Variants in BAHCC1 observed in about 807,000 individuals in gnomAD.
BAHCC1 encodes BAH domain and coiled-coil containing 1.
A neutral mutation model predicts 88.2 loss-of-function variants in BAHCC1; 43 were observed. The observed-to-expected ratio is 0.49, with a 90% CI of 0.38 to 0.63. The LOEUF (loss-of-function observed/expected upper bound fraction) is 0.63, where lower values mean the gene tolerates loss of function less well. Among genes scored for constraint, BAHCC1 ranks in the 20% least tolerant of loss-of-function variants. BAHCC1 has a pLI of 0.00. For synonymous variants in BAHCC1, 1,510 were observed against 745.5 expected (o/e 2.03, Z -16.71); for missense variants, 3,023 against 1,654.8 (o/e 1.83, Z -14.34).
In BAHCC1 at chr17:81,458,960, G is replaced by A. The variant is rs782205832; in HGVS notation, c.5596G>A (p.Ala1866Thr). ...DSGPLSAEQS[A>T]ALARSCAIHK... ...CGGCCCTCTGAGCGCAGAGCAGAGC[G>A]CCGCCCTAGGTGAGCAGGGCCAGGA... Residue 1866 changes from alanine to threonine, a missense_variant, in exon 20 of 28, where the codon GCC becomes ACC. Coordinates refer to ENST00000675386, the MANE Select transcript of BAHCC1 (RefSeq NM_001377448.1). The A allele has an allele frequency of 1.6e-5, 12 of 737,990 alleles. No homozygotes were observed. The highest frequency in any genetic ancestry group is 1.0e-4 in the South Asian group (7 of 69,908). The allele number at this position is 737,990 out of a possible 1,614,324, so 45.7% of individuals were successfully genotyped here. A position where few individuals can be genotyped will look rare whatever the true frequency, so the allele number is the denominator to read the frequency against.
chr17:81,402,103 G>A (rs1416766400), intron 2 of BAHCC1: 5 of 152,306 alleles, frequency 3.3e-5, no homozygotes, highest in Non-Finnish European at 7.3e-5. Context: ...CCAAGCGCAG[G>A]GTGCTCTAGA....
Position 81,445,718 on chromosome 17 carries a change from G to T in BAHCC1, c.3163+37G>T, listed in dbSNP as rs553179224. The T allele has an allele frequency of 4.2e-6, 3 of 709,086 alleles. No individual in the cohort carries two copies. In the Admixed American group the frequency reaches 6.1e-5, roughly 14 times the overall value. The allele number at this position is 709,086 out of a possible 1,614,324, so 43.9% of individuals were successfully genotyped here. A position where few individuals can be genotyped will look rare whatever the true frequency, so the allele number is the denominator to read the frequency against. On this transcript the variant is annotated intron_variant, in intron 10 of 27. Coordinates refer to ENST00000675386, the MANE Select transcript of BAHCC1 (RefSeq NM_001377448.1). ...CGCCTGGCCCGGCCCACTGTGCTCCGCTCCAAGCCCTCCCACCCCTGCCCG... is the reference window on the plus strand; with the variant it reads ...CGCCTGGCCCGGCCCACTGTGCTCCTCTCCAAGCCCTCCCACCCCTGCCCG...
chr17:81,459,456 G>C lies in BAHCC1; in HGVS notation c.5797-40G>C, dbSNP rs782473918. The stretch of plus-strand genomic sequence containing the variant: ...CAGACTCTCAGGCAGCCCTGGGCCA[G>C]GCCCCACCTGCTCATGGGTCGTCGC... On this transcript the variant is annotated intron_variant, in intron 22 of 27. Transcript: ENST00000675386. 4 of 776,800 alleles carry C rather than the reference G, an allele frequency of 5.1e-6. No individual in the cohort carries two copies. In the African/African-American group the frequency reaches 6.8e-5, roughly 13 times the overall value. 48.1% of individuals were successfully genotyped at this position (776,800 alleles called of 1,614,324 possible). A position where few individuals can be genotyped will look rare whatever the true frequency, so the allele number is the denominator to read the frequency against.
In BAHCC1 at chr17:81,434,093, G is replaced by C. The variant is rs890463770; in HGVS notation, c.359-4277G>C. On this transcript the variant is annotated intron_variant, in intron 3 of 27. Transcript: ENST00000675386. The surrounding 1 kb of genome is among the most constrained non-coding windows in gnomAD (Gnocchi z 4.9). ...CCCGGGACTCCCCTGGGGTCACTGT[G>C]GGGGGAGTAACAGGGGATCTGGCAG... Among the ~76,000 whole-genome samples the C allele has an allele frequency of 6.6e-6, 1 of 152,296 alleles. No individual in the cohort carries two copies. The highest frequency in any genetic ancestry group is 2.1e-4 in the South Asian group (1 of 4,828).
intron 11 of BAHCC1, among the ~76,000 whole-genome samples, chr17:81,450,174 C>T (rs962975271): frequency 6.6e-6 from 1 of 152,186 alleles, no homozygotes; most frequent in East Asian, 1.9e-4. Flanking sequence ...ATACCAGCAC[C>T]TCTACTCACC....
At position 81,444,500 on chromosome 17, in the gene BAHCC1, C is replaced by T. The variant is rs781836263; in HGVS notation, c.2444C>T (p.Thr815Ile). Residue 815 changes from threonine to isoleucine, a missense_variant, in exon 7 of 28, where the codon ACC becomes ATC. Thr to Ile is a moderately conservative substitution (Grantham distance 89). Transcript: ENST00000675386. ...GQLGGDPAPHTHPHPPWLPRT... is the reference protein window; with the variant it reads ...GQLGGDPAPHIHPHPPWLPRT... The stretch of plus-strand genomic sequence containing the variant: ...CTGGGCGGGGACCCAGCCCCCCACA[C>T]CCACCCCCATCCCCCCTGGCTGCCC... 5 of 704,068 alleles carry T rather than the reference C, an allele frequency of 7.1e-6. No individual in the cohort carries two copies. In the Admixed American group the frequency reaches 1.0e-4, roughly 14 times the overall value. The allele number at this position is 704,068 out of a possible 1,614,324, so 43.6% of individuals were successfully genotyped here.
intron 2 of BAHCC1, among the ~76,000 whole-genome samples, chr17:81,417,320 T>G (rs2064045561): frequency 6.6e-6 from 1 of 152,090 alleles, no homozygotes. Flanking sequence ...CCCACGCCCC[T>G]GGCCGACCGC....
chr17:81,453,112 C>A (rs933132118), intron 14 of BAHCC1, among the ~76,000 whole-genome samples: 1 of 152,248 alleles, frequency 6.6e-6, no homozygotes, highest in East Asian at 1.9e-4. Context: ...GCCCCCAGGC[C>A]CAGCCACGCC....
intron 2 of BAHCC1, among the ~76,000 whole-genome samples, chr17:81,419,772 C>T (rs1445112277): frequency 2.0e-5 from 3 of 149,818 alleles, no homozygotes; most frequent in South Asian, 2.1e-4. Context: ...CTGGAGCTGC[C>T]GCCATCTCAA....
chr17:81,444,011 G>T (rs1286757426), intron 6 of BAHCC1, 94 bp downstream of exon 6: 9 of 673,932 alleles, frequency 1.3e-5, no homozygotes, highest in African/African-American at 1.2e-4. Context: ...GGTGGTCATG[G>T]CTGGGGCAGC....
rs782810572 is a variant in BAHCC1 at position 81,458,190 on chromosome 17, G to A, written c.5067G>A (p.Glu1689=). 1.4e-6 allele frequency: 1 copy of A among 724,326 alleles called. No individual in the cohort carries two copies. Among genetic ancestry groups the A allele is most frequent in the Non-Finnish European group, 2.6e-6 (1 of 389,306 alleles). 44.9% of individuals were successfully genotyped at this position (724,326 alleles called of 1,614,324 possible). The change falls in exon 18 of 28, where the codon GAG becomes GAA. Residue 1689 remains glutamate (E), a synonymous_variant. Coordinates refer to ENST00000675386, the MANE Select transcript of BAHCC1 (RefSeq NM_001377448.1). ...GGGCCTGCCGCCTGTCCAGCCCTGA[G>A]AGTGAGGTCAAGATCAAGAGGCGGT... ...LLGACRLSSP[E]SEVKIKRRSV... is the part of the protein sequence containing the mutation.
In BAHCC1 at chr17:81,458,485, G is replaced by T. The variant is rs782554196; in HGVS notation, c.5343+19G>T. 3 of 687,128 alleles carry T rather than the reference G, an allele frequency of 4.4e-6. No homozygotes were observed. Among genetic ancestry groups the T allele is most frequent in the African/African-American group, 1.7e-5 (1 of 57,364 alleles). 42.6% of individuals were successfully genotyped at this position (687,128 alleles called of 1,614,324 possible). A position where few individuals can be genotyped will look rare whatever the true frequency, so the allele number is the denominator to read the frequency against. On this transcript the variant is annotated intron_variant, in intron 18 of 27. Coordinates refer to ENST00000675386, the MANE Select transcript of BAHCC1 (RefSeq NM_001377448.1). ...GCTGCGGGTGAGGCTGGGCTCTGGGGTGCTGGGCGGAGAGGGTGGGTGCCT... is the reference window on the plus strand; with the variant it reads ...GCTGCGGGTGAGGCTGGGCTCTGGGTTGCTGGGCGGAGAGGGTGGGTGCCT...
rs565158714 is a variant in BAHCC1, at chr17:81,445,573, A to G, written c.3055A>G (p.Asn1019Asp). 2 of 724,422 alleles carry G rather than the reference A, an allele frequency of 2.8e-6. No individual in the cohort carries two copies. Among genetic ancestry groups the G allele is most frequent in the African/African-American group, 1.7e-5 (1 of 57,644 alleles). 44.9% of individuals were successfully genotyped at this position (724,422 alleles called of 1,614,324 possible). A position where few individuals can be genotyped will look rare whatever the true frequency, so the allele number is the denominator to read the frequency against. The stretch of plus-strand genomic sequence containing the variant: ...TCGGCCCAGCGCCCCGTGCACTTTA[A>G]ATGTCTGCCCTGCCAGCAGCCCCGG... ...PPRPSAPCTLNVCPASSPGPG... is the reference protein window; with the variant it reads ...PPRPSAPCTLDVCPASSPGPG... The change falls in exon 10 of 28, where the codon AAT becomes GAT. Residue 1019 changes from asparagine to aspartate, a missense_variant. Physicochemically the swap from Asn to Asp is conservative, Grantham distance 23. Transcript: ENST00000675386.
In BAHCC1 at chr17:81,399,838, TG is replaced by T; in HGVS notation, c.102del (p.Ala36ProfsTer29). The stretch of plus-strand genomic sequence containing the variant: ...CTGCCGCCGCGCGTCTCGCCCCGGC[TG>T]GGCCCGCCGCGCAGCCCCCCGCACA... ...AAAAARLAPA[G>X]PAAQPPAHFQ... On this transcript the variant is annotated frameshift_variant, in exon 2 of 28. Coordinates refer to ENST00000675386, the MANE Select transcript of BAHCC1 (RefSeq NM_001377448.1). LOFTEE classifies it high-confidence loss of function. The surrounding 1 kb of genome is among the most constrained non-coding windows in gnomAD (Gnocchi z 4.5). 2.2e-6 allele frequency: 3 copies of T among 1,359,100 alleles called. No homozygotes were observed. The highest frequency in any genetic ancestry group is 1.7e-5 in the South Asian group (1 of 57,636). The allele number at this position is 1,359,100 out of a possible 1,614,324, so 84.2% of individuals were successfully genotyped here.
intron 14 of BAHCC1, among the ~76,000 whole-genome samples, chr17:81,454,927 C>T (rs1276179438): frequency 1.3e-5 from 2 of 152,358 alleles, no homozygotes; most frequent in East Asian, 3.9e-4. Flanking sequence ...ACAGCACTGC[C>T]AGGGCGTTCC....
At chr17:81,441,148 G>A (rs782012592) in intron 4 of BAHCC1, among the ~76,000 whole-genome samples, 14 of 152,204 alleles carry the variant, frequency 9.2e-5, no homozygotes, top group Admixed American at 2.6e-4. Flanking sequence ...GACTGGCCTC[G>A]GGTTTGCATC....
intron 2 of BAHCC1, among the ~76,000 whole-genome samples, chr17:81,412,841 G>A (rs1443296986): frequency 6.6e-6 from 1 of 152,232 alleles, no homozygotes; most frequent in African/African-American, 2.4e-5. Context: ...TGTTGGCTGG[G>A]GCCTCGGACA....
In BAHCC1 at chr17:81,452,153, C is replaced by T. The variant is rs782815539; in HGVS notation, c.4316+46C>T. The T allele has an allele frequency of 1.2e-4, 27 of 233,238 alleles. No homozygotes were observed. In the African/African-American group the frequency reaches 1.2e-3, roughly 11 times the overall value. 14.4% of individuals were successfully genotyped at this position (233,238 alleles called of 1,614,324 possible). On this transcript the variant is annotated intron_variant, in intron 13 of 27. Coordinates refer to ENST00000675386, the MANE Select transcript of BAHCC1 (RefSeq NM_001377448.1). ...GGGCCTGGGAGGGTCGCAGCACCCCCACCCCCGGGAGGCGCCCACAGTGCT... is the reference window on the plus strand; with the variant it reads ...GGGCCTGGGAGGGTCGCAGCACCCCTACCCCCGGGAGGCGCCCACAGTGCT...
intron 14 of BAHCC1, 69 bp downstream of exon 14, chr17:81,452,920 G>T: frequency 1.5e-6 from 1 of 646,090 alleles, no homozygotes. Context: ...TGGGGAGCAG[G>T]GTCCAGGCTC....
Sources: gnomAD v4.1 joint callset for allele counts (sites outside exome capture counted in the v4.1 genomes callset) on GRCh38, gnomAD v4.1.1 for gene constraint, Gnocchi (gnomAD v3.1) non-coding constraint, MANE v1.5 for transcripts, NCBI Gene and HGNC (gene_info 2026-07-23, HGNC 2026-07-21) for gene names.